Variants in PALM2AKAP2 observed in about 807,000 individuals in gnomAD.
PALM2AKAP2 encodes the protein PALM2-AKAP2 fusion protein.
A neutral mutation model predicts 71.5 loss-of-function variants in PALM2AKAP2; 37 were observed. The observed-to-expected ratio is 0.52, with a 90% CI of 0.40 to 0.68. The LOEUF (loss-of-function observed/expected upper bound fraction) is 0.68. Ranked by LOEUF, PALM2AKAP2 falls within the 30% of genes least tolerant of loss-of-function variation. The pLI, the probability that PALM2AKAP2 is intolerant of heterozygous loss-of-function variation, is 0.00. For missense variants in PALM2AKAP2, 1,224 were observed against 1,191.8 expected (o/e 1.03, Z -0.40); for synonymous variants, 468 against 478.8 (o/e 0.98, Z 0.29).
At chr9:110,131,485 G>A (rs1247636879) in intron 1 of PALM2AKAP2, among the ~76,000 whole-genome samples, 2 of 152,150 alleles carry the variant, frequency 1.3e-5, no homozygotes, top group Admixed American at 1.3e-4. Context: ...GAAAATTCTG[G>A]ACCTTCTTAT....
intron 2 of PALM2AKAP2, among the ~76,000 whole-genome samples, chr9:109,877,047 A>G (rs1032252733): frequency 6.6e-6 from 1 of 152,166 alleles, no homozygotes; most frequent in African/African-American, 2.4e-5. Context: ...GCAGCCATTT[A>G]CGTTGCAAGA....
chr9:109,732,851 T>C (rs10980019), intron 1 of PALM2AKAP2, among the ~76,000 whole-genome samples: 46,420 of 151,862 alleles, frequency 0.31, 7,245 homozygotes, highest in Middle Eastern at 0.4. Context: ...TTGTGCAAAA[T>C]TCAGTGTTGA....
upstream of PALM2AKAP2, among the ~76,000 whole-genome samples, chr9:109,776,006 C>G (rs1829343437): frequency 6.6e-6 from 1 of 152,194 alleles, no homozygotes; most frequent in Non-Finnish European, 1.5e-5. Flanking sequence ...CCAGCAAGAA[C>G]TAGTGATTTG....
chr9:109,669,454 TCATAA>T (rs1416880921), intron 1 of PALM2AKAP2, among the ~76,000 whole-genome samples: 1 of 152,144 alleles, frequency 6.6e-6, no homozygotes, highest in Non-Finnish European at 1.5e-5. Flanking sequence ...TATGTTGGCA[TCATAA>T]AACTAGCTGG....
intron 7 of PALM2AKAP2, among the ~76,000 whole-genome samples, chr9:110,041,317 T>TA (rs1833509735): frequency 6.6e-6 from 1 of 151,806 alleles, no homozygotes; most frequent in Non-Finnish European, 1.5e-5. Context: ...TTTATTAGTA[T>TA]ACTGGTGCCA....
At chr9:109,775,759 T>G (rs1315352207), upstream of PALM2AKAP2, among the ~76,000 whole-genome samples, 3 of 152,244 alleles carry the variant, frequency 2.0e-5, no homozygotes, top group Admixed American at 2.0e-4. Context: ...CCTTGGCAAG[T>G]CATTTCCCTT....
intron 1 of PALM2AKAP2, among the ~76,000 whole-genome samples, chr9:110,050,464 T>C (rs1833687107): frequency 6.6e-6 from 1 of 152,342 alleles, no homozygotes; most frequent in African/African-American, 2.4e-5. Flanking sequence ...TACAATTTCA[T>C]AATAATATGT....
At chr9:109,677,799 C>T (rs1351383446) in intron 1 of PALM2AKAP2, among the ~76,000 whole-genome samples, 4 of 152,028 alleles carry the variant, frequency 2.6e-5, no homozygotes, top group Non-Finnish European at 5.9e-5. Flanking sequence ...ATCACAGTAG[C>T]GGAACAACCT....
chr9:109,911,515 A>T (rs1450387781), intron 3 of PALM2AKAP2, among the ~76,000 whole-genome samples: 1 of 152,246 alleles, frequency 6.6e-6, no homozygotes, highest in East Asian at 1.9e-4. Context: ...TGATTACATC[A>T]CCATCAATAA....
chr9:109,967,500 G>T (rs1252078115), intron 6 of PALM2AKAP2, among the ~76,000 whole-genome samples: 2 of 150,718 alleles, frequency 1.3e-5, no homozygotes, highest in African/African-American at 4.9e-5. Flanking sequence ...ACCTCCACTT[G>T]CTGGGTTCAA....
chr9:109,790,096 G>A (rs905909467), intron 1 of PALM2AKAP2, among the ~76,000 whole-genome samples: 9 of 152,150 alleles, frequency 5.9e-5, no homozygotes, highest in African/African-American at 2.2e-4. Flanking sequence ...GGAAAGAAAA[G>A]CCATGTGAGG....
intron 1 of PALM2AKAP2, among the ~76,000 whole-genome samples, chr9:109,830,586 A>G (rs1333718137): frequency 3.3e-5 from 5 of 152,342 alleles, no homozygotes; most frequent in African/African-American, 1.2e-4. Flanking sequence ...CAGTGGTTCT[A>G]CTCACTTAAG....
chr9:110,134,797 T>C (rs1835810873), intron 1 of PALM2AKAP2, among the ~76,000 whole-genome samples: 1 of 152,148 alleles, frequency 6.6e-6, no homozygotes, highest in Admixed American at 6.5e-5. Flanking sequence ...CATTGTCCTA[T>C]GTCAATAATA....
intron 6 of PALM2AKAP2, among the ~76,000 whole-genome samples, chr9:109,949,430 G>A (rs1367419346): frequency 6.6e-6 from 1 of 152,210 alleles, no homozygotes; most frequent in African/African-American, 2.4e-5. Context: ...TGATATGGGT[G>A]AGAATAGGAG....
chr9:109,676,221 T>C (rs1026716966), intron 1 of PALM2AKAP2, among the ~76,000 whole-genome samples: 1 of 152,202 alleles, frequency 6.6e-6, no homozygotes, highest in Non-Finnish European at 1.5e-5. Flanking sequence ...TTCAAAAAAT[T>C]GGGCAGCTTT....
intron 1 of PALM2AKAP2, among the ~76,000 whole-genome samples, chr9:109,841,454 A>G (rs1385018185): frequency 7.6e-6 from 1 of 131,198 alleles, no homozygotes; most frequent in South Asian, 2.8e-4. Context: ...AACATGGCAC[A>G]TGTATACCTA....
Position 110,137,137 on chromosome 9 carries a change from C to G in PALM2AKAP2, c.1167C>G (p.Ala389=), listed in dbSNP as rs113212416. 3.1e-6 allele frequency: 5 copies of G among 1,613,638 alleles called. No homozygotes were observed. In the African/African-American group the frequency reaches 4.0e-5, roughly 13 times the overall value. Residue 389 remains alanine (A), a synonymous_variant, in exon 2 of 4, where the codon GCC becomes GCG. Transcript: ENST00000374525. ...CATCGCAGCTCTGCACAGCCCCTGC[C>G]TCTTCTCATGAACGCGCAAGCATGA...
At chr9:110,162,982 G>GCCTCCCAAAGCCTCA (rs1331695995) in intron 3 of PALM2AKAP2, among the ~76,000 whole-genome samples, 5 of 151,990 alleles carry the variant, frequency 3.3e-5, no homozygotes, top group Admixed American at 6.6e-5. Flanking sequence ...AAAGCATTGA[G>GCCTCCCAAAGCCTCA]GTTACAGGTG....
At chr9:110,063,142 C>T (rs552182) in intron 1 of PALM2AKAP2, among the ~76,000 whole-genome samples, 33,960 of 152,066 alleles carry the variant, frequency 0.22, 4,046 homozygotes, top group African/African-American at 0.29. Context: ...TCTCAATATC[C>T]CACCTTTTCT....
Sources: gnomAD v4.1 joint callset for allele counts (sites outside exome capture counted in the v4.1 genomes callset) on GRCh38, gnomAD v4.1.1 for gene constraint, MANE v1.5 for transcripts, NCBI Gene and HGNC (gene_info 2026-07-23, HGNC 2026-07-21) for gene names.